The following BRSK1 variants were observed in gnomAD, a reference collection of about 807,000 sequenced individuals.
The protein encoded by BRSK1 is serine/threonine-protein kinase BRSK1.
In BRSK1, 17 loss-of-function variants were observed where a neutral mutation model predicts 86.2. The observed-to-expected ratio is 0.20, with a 90% CI of 0.14 to 0.30. The LOEUF is 0.30. BRSK1 is among the 10% of genes least tolerant of loss of function. BRSK1 has a pLI of 1.00. For synonymous variants in BRSK1, 464 were observed against 440.1 expected (o/e 1.05, Z -0.68); for missense variants, 719 against 1,071.9 (o/e 0.67, Z 4.60).
rs543876359 is a variant in BRSK1 at position 55,306,167 on chromosome 19, C to T, written c.1891-85C>T. On this transcript the variant is annotated intron_variant, in intron 16 of 18. Coordinates refer to ENST00000309383, the MANE Select transcript of BRSK1 (RefSeq NM_032430.2). This position sits in a 1 kb window ranked among gnomAD's most constrained non-coding sequence, Gnocchi z 4.7. ...TCTTTCCCTCCAGTGGCTCATGGGA[C>T]TCGTAGTTCCTTGGCCAGAGCTGGT... The T allele has an allele frequency of 1.4e-4, 195 of 1,378,592 alleles. 2 individuals carry two copies. In the South Asian group the frequency reaches 2.4e-3, roughly 17 times the overall value. The allele number at this position is 1,378,592 out of a possible 1,614,324, so 85.4% of individuals were successfully genotyped here. A position where few individuals can be genotyped will look rare whatever the true frequency, so the allele number is the denominator to read the frequency against.
rs2088275801 is a variant in BRSK1 at position 55,284,325 on chromosome 19, A to G, written c.-118A>G. On this transcript the variant is annotated 5_prime_UTR_variant, in exon 1 of 19. Coordinates refer to ENST00000309383, the MANE Select transcript of BRSK1 (RefSeq NM_032430.2). ...CCCAGCCCCCTGGGGACCCCCGGAG[A>G]GGTGGGGGGCAGCCGGGGGGGCCGG... The G allele has an allele frequency of 3.7e-6, 3 of 813,834 alleles. No homozygotes were observed. Among genetic ancestry groups the G allele is most frequent in the African/African-American group, 1.9e-5 (1 of 53,040 alleles). 50.4% of individuals were successfully genotyped at this position (813,834 alleles called of 1,614,324 possible).
Position 55,303,186 on chromosome 19 carries a change from C to G in BRSK1, c.1029-125C>G, listed in dbSNP as rs2088597687. The G allele has an allele frequency of 1.3e-6, 1 of 767,964 alleles. No individual in the cohort carries two copies. The highest frequency in any genetic ancestry group is 1.7e-5 in the African/African-American group (1 of 58,374). The allele number at this position is 767,964 out of a possible 1,614,324, so 47.6% of individuals were successfully genotyped here. A position where few individuals can be genotyped will look rare whatever the true frequency, so the allele number is the denominator to read the frequency against. ...CCCTAAACCAGAGAAACTGACCATA[C>G]TGATACCTAGAAAAAATGGAACCAT... On this transcript the variant is annotated intron_variant, in intron 10 of 18. Coordinates refer to ENST00000309383, the MANE Select transcript of BRSK1 (RefSeq NM_032430.2). This position sits in a 1 kb window ranked among gnomAD's most constrained non-coding sequence, Gnocchi z 5.1.
intron 8 of BRSK1, 142 bp downstream of exon 8, chr19:55,301,800 A>C (rs1352956425): frequency 4.6e-6 from 5 of 1,095,662 alleles, no homozygotes; most frequent in Non-Finnish European, 6.4e-6. Flanking sequence ...CCGCAGCCCA[A>C]GGTCCAGCAC....
intron 17 of BRSK1, among the ~76,000 whole-genome samples, chr19:55,307,866 A>T (rs2122995957): frequency 6.7e-6 from 1 of 149,030 alleles, no homozygotes; most frequent in South Asian, 2.1e-4. Flanking sequence ...ACGTGGGAGG[A>T]TCACCTGATT....
chr19:55,308,534 G>C (rs534794905), intron 17 of BRSK1, 105 bp from the exon 18 acceptor site: 23 of 783,714 alleles, frequency 2.9e-5, no homozygotes, highest in Middle Eastern at 2.4e-4. Context: ...GGAGATGCAG[G>C]GGGGGTGTTG....
chr19:55,311,973 C>A lies in BRSK1; in HGVS notation c.2242C>A (p.Pro748Thr). Reference protein sequence around the residue: ...GAPPRSLQPPPGRPDPELSSS... With the variant: ...GAPPRSLQPPTGRPDPELSSS... Reference sequence around the variant, plus strand: ...CCCACCCCGAAGCCTGCAGCCCCCACCCGGCCGCCCAGACCCAGAGCTGAG... The same window carrying A: ...CCCACCCCGAAGCCTGCAGCCCCCAACCGGCCGCCCAGACCCAGAGCTGAG... Residue 748 changes from proline to threonine, a missense_variant, in exon 19 of 19, where the codon CCC becomes ACC. By Grantham distance (38) the Pro-to-Thr change is conservative. Transcript: ENST00000309383. 6.3e-7 allele frequency: 1 copy of A among 1,593,210 alleles called. No homozygotes were observed.
Position 55,306,486 on chromosome 19 carries a change from C to G in BRSK1, c.2089+36C>G, listed in dbSNP as rs754081817. ...TGGCTAGGCTGCCTGCAGCCCAGTG[C>G]TGGGACTGTTCACGACAGCTGAGAC... On this transcript the variant is annotated intron_variant, in intron 17 of 18. Transcript: ENST00000309383. The surrounding 1 kb of genome is among the most constrained non-coding windows in gnomAD (Gnocchi z 4.7). 1 of 1,605,458 alleles carries G rather than the reference C, an allele frequency of 6.2e-7. No individual in the cohort carries two copies. Among genetic ancestry groups the G allele is most frequent in the Admixed American group, 1.7e-5 (1 of 59,994 alleles).
chr19:55,300,418 G>A (rs2088553479), intron 7 of BRSK1, among the ~76,000 whole-genome samples: 1 of 152,160 alleles, frequency 6.6e-6, no homozygotes, highest in African/African-American at 2.4e-5. Flanking sequence ...AAGCAAGGCA[G>A]GGGACCAGGT....
chr19:55,293,927 T>C, intron 4 of BRSK1, 90 bp from the exon 5 acceptor site: 1 of 1,137,180 alleles, frequency 8.8e-7, no homozygotes, highest in African/African-American at 1.6e-5. Flanking sequence ...CCAAAAAGTA[T>C]GCAGAAGTGT....
rs1472599919 is a variant in BRSK1, at chr19:55,312,286, T to G, written c.*218T>G. 3.4e-6 allele frequency: 1 copy of G among 296,544 alleles called. No individual in the cohort carries two copies. The highest frequency in any genetic ancestry group is 5.6e-5 in the East Asian group (1 of 17,812). 18.4% of individuals were successfully genotyped at this position (296,544 alleles called of 1,614,324 possible). On this transcript the variant is annotated 3_prime_UTR_variant, in exon 19 of 19. Coordinates refer to ENST00000309383, the MANE Select transcript of BRSK1 (RefSeq NM_032430.2). ...AGCTGTTTCTATTTTATTTATTGAT[T>G]AATTTATTATTTTATTTATTGATCA...
chr19:55,284,616 A>T, intron 1 of BRSK1, 38 bp downstream of exon 1: 1 of 1,182,386 alleles, frequency 8.5e-7, no homozygotes, highest in Non-Finnish European at 1.1e-6. Context: ...GGCGGGGGGC[A>T]GGGTGGAGGT....
Position 55,304,653 on chromosome 19 carries a change from A to C in BRSK1, c.1450A>C (p.Arg484=), listed in dbSNP as rs1472184984. The part of the protein sequence containing the change: ...KTQTLPSRGP[R]GGGAGEQPPP... ...GCAGACGCTGCCTTCTCGGGGCCCCAGGGGTGGGGGCGCCGGGGAGCAGCC... is the reference window on the plus strand; with the variant it reads ...GCAGACGCTGCCTTCTCGGGGCCCCCGGGGTGGGGGCGCCGGGGAGCAGCC... Residue 484 remains arginine (R), a synonymous_variant, in exon 14 of 19, where the codon AGG becomes CGG. Coordinates refer to ENST00000309383, the MANE Select transcript of BRSK1 (RefSeq NM_032430.2). The surrounding 1 kb of genome is among the most constrained non-coding windows in gnomAD (Gnocchi z 5.2). 4 of 1,510,898 alleles carry C rather than the reference A, an allele frequency of 2.6e-6. No homozygotes were observed. The highest frequency in any genetic ancestry group is 2.3e-4 in the Middle Eastern group (1 of 4,406). 93.6% of individuals were successfully genotyped at this position (1,510,898 alleles called of 1,614,324 possible).
Position 55,287,221 on chromosome 19 carries a change from G to A in BRSK1, c.239G>A (p.Arg80Gln), listed in dbSNP as rs762912199. 3 of 1,613,978 alleles carry A rather than the reference G, an allele frequency of 1.9e-6. No individual in the cohort carries two copies. Among genetic ancestry groups the A allele is most frequent in the Middle Eastern group, 1.6e-4 (1 of 6,062 alleles). ...LSESVLMKVE[R>Q]EIAILKLIEH... Reference sequence around the variant, plus strand: ...ACCCCTCTTGACCCTCAGGTGGAGCGGGAGATCGCCATCCTGAAGCTCATC... The same window carrying A: ...ACCCCTCTTGACCCTCAGGTGGAGCAGGAGATCGCCATCCTGAAGCTCATC... Residue 80 changes from arginine (R) to glutamine (Q), a missense_variant, in exon 3 of 19, where the codon CGG becomes CAG. Physicochemically the swap from Arg to Gln is conservative, Grantham distance 43. This residue lies in a region of BRSK1 where 75 missense variants were observed against 281.0 expected (regional missense o/e 0.27). Transcript: ENST00000309383. This position sits in a 1 kb window ranked among gnomAD's most constrained non-coding sequence, Gnocchi z 5.3.
intron 17 of BRSK1, among the ~76,000 whole-genome samples, 165 bp from the exon 18 acceptor site, chr19:55,308,474 A>G (rs1271849235): frequency 7.1e-6 from 1 of 140,012 alleles, no homozygotes; most frequent in African/African-American, 3.0e-5. Flanking sequence ...AGCAGCACAG[A>G]CCCATTTGCA....
At chr19:55,289,946 C>T (rs1316941532) in intron 4 of BRSK1, among the ~76,000 whole-genome samples, 1 of 152,058 alleles carries the variant, frequency 6.6e-6, no homozygotes, top group East Asian at 1.9e-4. Flanking sequence ...TTTACCTATT[C>T]TAGACGTTTT....
chr19:55,305,814 G>GT (rs1229070040), intron 16 of BRSK1, among the ~76,000 whole-genome samples: 1 of 152,220 alleles, frequency 6.6e-6, no homozygotes, highest in Non-Finnish European at 1.5e-5. Context: ...TCAAGGATTG[G>GT]TGAGTTCCCA....
rs1336304660 is a variant in BRSK1 at position 55,294,945 on chromosome 19, G to T, written c.678+548G>T. On this transcript the variant is annotated intron_variant, in intron 7 of 18. Transcript: ENST00000309383. This position sits in a 1 kb window ranked among gnomAD's most constrained non-coding sequence, Gnocchi z 4.9. Reference sequence around the variant, plus strand: ...GCTTCCCGATTAGCTGGGACTACAGGTACCTGCCACCATGCTTGGCTAATT... The same window carrying T: ...GCTTCCCGATTAGCTGGGACTACAGTTACCTGCCACCATGCTTGGCTAATT... Among the ~76,000 whole-genome samples the T allele has an allele frequency of 6.6e-6, 1 of 151,956 alleles. No homozygotes were observed. Among genetic ancestry groups the T allele is most frequent in the Non-Finnish European group, 1.5e-5 (1 of 68,016 alleles).
At chr19:55,305,224 G>C (rs73053193) in intron 14 of BRSK1, 97 bp from the exon 15 acceptor site, 162 of 1,506,526 alleles carry the variant, frequency 1.1e-4, no homozygotes, top group Non-Finnish European at 1.4e-4. Flanking sequence ...GCAACCCAAG[G>C]CTCTGGAACC....
intron 7 of BRSK1, among the ~76,000 whole-genome samples, chr19:55,300,102 A>G (rs1274874203): frequency 1.3e-5 from 2 of 151,998 alleles, no homozygotes; most frequent in Admixed American, 6.6e-5. Flanking sequence ...ACCTTTGCTG[A>G]TGACTTGAGT....
Sources: allele counts gnomAD v4.1 joint callset (sites outside exome capture counted in the v4.1 genomes callset), GRCh38; gene constraint gnomAD v4.1.1; regional missense constraint gnomAD v4.1.1; non-coding constraint Gnocchi (gnomAD v3.1); transcripts MANE v1.5; gene names NCBI Gene and HGNC (gene_info 2026-07-23, HGNC 2026-07-21).